Variants in EIF4G3 observed in about 807,000 individuals in gnomAD.
EIF4G3 encodes eukaryotic translation initiation factor 4 gamma 3.
In EIF4G3, 34 loss-of-function variants were observed where a neutral mutation model predicts 186.4. That is an observed-to-expected ratio of 0.18 (90% CI 0.14 to 0.24). The LOEUF (loss-of-function observed/expected upper bound fraction) is 0.24, where lower values mean the gene tolerates loss of function less well. Ranked by LOEUF, EIF4G3 falls within the 10% of genes least tolerant of loss-of-function variation. The probability of loss-of-function intolerance (pLI) is 1.00; values close to 1 mark genes in which losing one functional copy is unlikely to be tolerated. For synonymous variants in EIF4G3, 673 were observed against 679.5 expected, an observed-to-expected ratio of 0.99 and a Z score of 0.15; for missense variants, 1,536 against 1,948.5, an observed-to-expected ratio of 0.79 and a Z score of 3.99.
intron 2 of EIF4G3, chr1:21,161,736 G>C (rs2097769841): frequency 6.6e-6 from 1 of 152,292 alleles, no homozygotes; most frequent in Admixed American, 6.6e-5. Context: ...GGGAGGCCGA[G>C]GCGGGTGGAT....
At chr1:20,956,636 A>AG in intron 12 of EIF4G3, among the ~76,000 whole-genome samples, 1 of 149,446 alleles carries the variant, frequency 6.7e-6, no homozygotes, top group African/African-American at 2.5e-5. Context: ...AAAAAAAAAA[A>AG]ACAAGGAGAG....
intron 33 of EIF4G3, among the ~76,000 whole-genome samples, chr1:20,818,646 GA>G (rs556406811): frequency 6.8e-5 from 10 of 146,424 alleles, no homozygotes; most frequent in Non-Finnish European, 1.2e-4. Context: ...GTCTCAAAAA[GA>G]AAAAAAAAAT....
At chr1:20,850,197 AG>A (rs907276842) in intron 28 of EIF4G3, among the ~76,000 whole-genome samples, 8 of 152,236 alleles carry the variant, frequency 5.3e-5, no homozygotes, top group African/African-American at 1.9e-4. Flanking sequence ...GGCCGAGAAC[AG>A]GGATCAAGGG....
At position 20,865,277 on chromosome 1, in the gene EIF4G3, G is replaced by C; in HGVS notation, c.2623-15C>G. On this transcript the variant is annotated splice_polypyrimidine_tract_variant and intron_variant, in intron 20 of 36. Transcript: ENST00000602326. ...GGTACTTTCAGCTACATCCAGACAGGAAAATAAAAAAAATCAACAAGATTA... is the reference window on the plus strand; with the variant it reads ...GGTACTTTCAGCTACATCCAGACAGCAAAATAAAAAAAATCAACAAGATTA... 6.2e-7 allele frequency: 1 copy of C among 1,600,828 alleles called. No individual in the cohort carries two copies. The highest frequency in any genetic ancestry group is 1.1e-5 in the South Asian group (1 of 88,202).
intron 30 of EIF4G3, among the ~76,000 whole-genome samples, chr1:20,833,870 C>A (rs1257234782): frequency 1.3e-5 from 2 of 152,198 alleles, no homozygotes; most frequent in East Asian, 3.8e-4. Flanking sequence ...AAACTGGAAG[C>A]ATTCCCTTTG....
chr1:20,847,359 TACA>T (rs1175480769), intron 29 of EIF4G3, among the ~76,000 whole-genome samples: 1 of 152,194 alleles, frequency 6.6e-6, no homozygotes, highest in African/African-American at 2.4e-5. Context: ...ATTCTAAAGA[TACA>T]ACGATTCTGC....
intron 29 of EIF4G3, among the ~76,000 whole-genome samples, chr1:20,842,565 T>C (rs1352015208): frequency 6.6e-6 from 1 of 152,104 alleles, no homozygotes; most frequent in Non-Finnish European, 1.5e-5. Context: ...CAAGGTTTCT[T>C]CATGCTGGCC....
intron 4 of EIF4G3, chr1:21,003,998 G>C (rs1419680714): frequency 6.0e-6 from 1 of 167,066 alleles, no homozygotes; most frequent in Non-Finnish European, 1.3e-5. Flanking sequence ...TCAATGCTAA[G>C]AGGACCTACT....
At chr1:20,879,618 T>C in intron 19 of EIF4G3, 98 bp from the exon 20 acceptor site, 1 of 688,918 alleles carries the variant, frequency 1.5e-6, no homozygotes, top group Non-Finnish European at 2.1e-6. Context: ...TAAGTTCAAC[T>C]TCTCAAATTA....
rs548924736 is a variant in EIF4G3, at chr1:21,052,850, C to T, written c.-195-1856G>A. On this transcript the variant is annotated intron_variant, in intron 3 of 36. Transcript: ENST00000602326. ...CGCCAGCCTCGGCCTCCCGAGGTGC[C>T]GGGATGGCAGACGGAGTCTCGTTCA... 2.8e-3 allele frequency among the ~76,000 whole-genome samples: 426 copies of T among 152,360 alleles called. 3 individuals carry two copies. Among genetic ancestry groups the T allele is most frequent in the African/African-American group, 9.9e-3 (410 of 41,596 alleles).
In EIF4G3 at chr1:20,981,011, C is replaced by T. The variant is rs1034928746; in HGVS notation, c.378+37G>A. 2.7e-6 allele frequency: 4 copies of T among 1,457,232 alleles called. No homozygotes were observed. The African/African-American group carries it at 5.6e-5, about 20-fold the overall frequency. 90.3% of individuals were successfully genotyped at this position (1,457,232 alleles called of 1,614,324 possible). A position where few individuals can be genotyped will look rare whatever the true frequency, so the allele number is the denominator to read the frequency against. On this transcript the variant is annotated intron_variant, in intron 9 of 36. Coordinates refer to ENST00000602326, the MANE Select transcript of EIF4G3 (RefSeq NM_001391906.1). ...ATGTGAATCCGGGTTAATTTCCACT[C>T]TATTGCTGGACCACCTAGGCCTCAA...
intron 2 of EIF4G3, among the ~76,000 whole-genome samples, chr1:21,099,410 T>A (rs542735802): frequency 6.6e-6 from 1 of 152,320 alleles, no homozygotes; most frequent in Admixed American, 6.5e-5. Flanking sequence ...TACATCCATA[T>A]AATGGAATAC....
intron 2 of EIF4G3, among the ~76,000 whole-genome samples, chr1:21,106,819 T>A (rs1376551054): frequency 2.0e-5 from 3 of 152,138 alleles, no homozygotes; most frequent in Non-Finnish European, 4.4e-5. Context: ...AAGTGGCCAC[T>A]GAGGTTGGAG....
chr1:21,118,374 T>C lies in EIF4G3; in HGVS notation c.-271-29161A>G, dbSNP rs560695709. Among the ~76,000 whole-genome samples, 3 of 152,358 alleles carry C rather than the reference T, an allele frequency of 2.0e-5. No individual in the cohort carries two copies. In the South Asian group the frequency reaches 6.2e-4, roughly 32 times the overall value. On this transcript the variant is annotated intron_variant, in intron 2 of 36. Coordinates refer to ENST00000602326, the MANE Select transcript of EIF4G3 (RefSeq NM_001391906.1). ...AACGAAAGAAACTGTCATAGTTTAATTAGCTTTGGTTGATAACCCACTGTG... is the reference window on the plus strand; with the variant it reads ...AACGAAAGAAACTGTCATAGTTTAACTAGCTTTGGTTGATAACCCACTGTG...
intron 2 of EIF4G3, among the ~76,000 whole-genome samples, chr1:21,156,147 A>AC (rs2097657660): frequency 2.0e-5 from 3 of 151,806 alleles, no homozygotes; most frequent in East Asian, 3.9e-4. Context: ...AAAAACAACA[A>AC]AAAAAAACTC....
At chr1:21,108,149 G>A (rs12057529) in intron 2 of EIF4G3, among the ~76,000 whole-genome samples, 5,005 of 152,164 alleles carry the variant, frequency 0.033, 274 homozygotes, top group African/African-American at 0.11. Context: ...ACATAGCAAG[G>A]CCCTGTCTCA....
intron 34 of EIF4G3, among the ~76,000 whole-genome samples, chr1:20,815,624 G>T (rs1466630722): frequency 6.6e-6 from 1 of 150,742 alleles, no homozygotes; most frequent in Admixed American, 6.6e-5. Context: ...TCTCCGCCCG[G>T]CAGCCACCCC....
At chr1:21,059,782 T>TA (rs1372747650) in intron 3 of EIF4G3, among the ~76,000 whole-genome samples, 1 of 152,230 alleles carries the variant, frequency 6.6e-6, no homozygotes. Context: ...GGGTTGCTTT[T>TA]CTTATTTAGT....
At chr1:20,912,425 C>CT (rs2093357564) in intron 14 of EIF4G3, among the ~76,000 whole-genome samples, 1 of 151,928 alleles carries the variant, frequency 6.6e-6, no homozygotes, top group Non-Finnish European at 1.5e-5. Context: ...CTCTGAATTA[C>CT]AAAAAAGTCT....
Sources: gnomAD v4.1 joint callset for allele counts (sites outside exome capture counted in the v4.1 genomes callset) on GRCh38, gnomAD v4.1.1 for gene constraint, MANE v1.5 for transcripts, NCBI Gene and HGNC (gene_info 2026-07-23, HGNC 2026-07-21) for gene names.